Variants in TMPRSS13 observed in about 807,000 individuals in gnomAD.
TMPRSS13 encodes the protein transmembrane protease serine 13.
Under a neutral mutation model 68.4 loss-of-function variants are expected in TMPRSS13, and 50 were observed. That is an observed-to-expected ratio of 0.73 (90% CI 0.58 to 0.93). The LOEUF (loss-of-function observed/expected upper bound fraction) is 0.93. Among genes scored for constraint, TMPRSS13 ranks in the 40% least tolerant of loss-of-function variants. The probability of loss-of-function intolerance (pLI) is 0.00; values close to 1 mark genes in which losing one functional copy is unlikely to be tolerated. For synonymous variants in TMPRSS13, 267 were observed against 285.8 expected, an observed-to-expected ratio of 0.93 and a Z score of 0.66; for missense variants, 615 against 729.2, an observed-to-expected ratio of 0.84 and a Z score of 1.80.
rs138371740 is a variant in TMPRSS13, at chr11:117,921,043, C to T, written c.22-2205G>A. Among the ~76,000 whole-genome samples the T allele has an allele frequency of 1.5e-4, 23 of 152,276 alleles. No homozygotes were observed. In the East Asian group the frequency reaches 1.7e-3, roughly 11 times the overall value. ...AAGATAACAGCCCACGAGCACTTTA[C>T]GGGACCCCATTCCAACCTCTTGACA... On this transcript the variant is annotated intron_variant, in intron 1 of 12. Transcript: ENST00000524993.
chr11:117,915,093 T>C lies in TMPRSS13; in HGVS notation c.557-579A>G, dbSNP rs1370117107. Among the ~76,000 whole-genome samples, 3 of 152,248 alleles carry C rather than the reference T, an allele frequency of 2.0e-5. No homozygotes were observed. Among genetic ancestry groups the C allele is most frequent in the African/African-American group, 7.2e-5 (3 of 41,462 alleles). ...GTTCTTTCCCCATGACTTGTCTTTA[T>C]GCCTTTAAATGTCTTTTCAATCAAC... is the stretch of plus-strand genomic sequence containing the variant. On this transcript the variant is annotated intron_variant, in intron 3 of 12. Transcript: ENST00000524993. The surrounding 1 kb of genome is among the most constrained non-coding windows in gnomAD (Gnocchi z 4.9).
chr11:117,925,920 G>A (rs538589312), intron 1 of TMPRSS13, among the ~76,000 whole-genome samples: 11 of 152,380 alleles, frequency 7.2e-5, no homozygotes, highest in African/African-American at 2.4e-4. Context: ...AGGGGAAATC[G>A]AGGTGGCTGT....
chr11:117,910,025 G>A (rs2057506311), intron 7 of TMPRSS13, 57 bp from the exon 8 acceptor site: 3 of 1,588,942 alleles, frequency 1.9e-6, no homozygotes, highest in East Asian at 2.3e-5. Flanking sequence ...TTCTTTCCGA[G>A]CTCCTGATCA....
rs777585154 is a variant in TMPRSS13, at chr11:117,929,332, A to C, written c.-25T>G. The C allele has an allele frequency of 1.4e-5, 23 of 1,603,420 alleles. No individual in the cohort carries two copies. The African/African-American group carries it at 1.6e-4, about 11-fold the overall frequency. On this transcript the variant is annotated 5_prime_UTR_variant, in exon 1 of 13. Transcript: ENST00000524993. The stretch of plus-strand genomic sequence containing the variant: ...TGGTCTCTGAGGGGAAGAGTCCTCC[A>C]GGCTTAGCTGATGTCGAGGAGAAGA...
chr11:117,918,875 C>T lies in TMPRSS13; in HGVS notation c.22-37G>A, dbSNP rs561971867. On this transcript the variant is annotated intron_variant, in intron 1 of 12. Coordinates refer to ENST00000524993, the MANE Select transcript of TMPRSS13 (RefSeq NM_001077263.3). ...TCGAAGAGTATCCCACAGGCTGCTC[C>T]CCTGCCAACCCACCCCAGCTGTCAG... The T allele has an allele frequency of 4.4e-6, 7 of 1,607,040 alleles. No individual in the cohort carries two copies. The African/African-American group carries it at 6.7e-5, about 15-fold the overall frequency.
At chr11:117,913,708 C>A in intron 5 of TMPRSS13, 69 bp downstream of exon 5, 1 of 1,572,034 alleles carries the variant, frequency 6.4e-7, no homozygotes. Context: ...CTGCAACATG[C>A]TTGAGACACC....
rs1047959418 is a variant in TMPRSS13 at position 117,911,706 on chromosome 11, G to C, written c.902+62C>G. 2.8e-6 allele frequency: 4 copies of C among 1,406,998 alleles called. No homozygotes were observed. The African/African-American group carries it at 5.6e-5, about 20-fold the overall frequency. 87.2% of individuals were successfully genotyped at this position (1,406,998 alleles called of 1,614,324 possible). On this transcript the variant is annotated intron_variant, in intron 6 of 12. Coordinates refer to ENST00000524993, the MANE Select transcript of TMPRSS13 (RefSeq NM_001077263.3). ...AGTGAAGGGGGCTCCCTGACTCAAAGACCCTCTCCTACCCACTCCTTCCCC... is the reference window on the plus strand; with the variant it reads ...AGTGAAGGGGGCTCCCTGACTCAAACACCCTCTCCTACCCACTCCTTCCCC...
Position 117,914,513 on chromosome 11 carries a change from G to C in TMPRSS13, c.558C>G (p.Phe186Leu), listed in dbSNP as rs888638756. Reference protein sequence around the residue: ...IALVVSLIILFQFWQGHTGIR... With the variant: ...IALVVSLIILLQFWQGHTGIR... ...TCCCTGTGTGGCCCTGCCAGAACTG[G>C]ACTAGAGAAAAAGAAGCAGACAGCT... is the stretch of plus-strand genomic sequence containing the variant. The change falls in exon 4 of 13, where the codon TTC (phenylalanine) becomes TTG (leucine). Residue 186 changes from phenylalanine to leucine, a missense_variant and splice_region_variant. By Grantham distance (22) the Phe-to-Leu change is conservative (BLOSUM62 0). Coordinates refer to ENST00000524993, the MANE Select transcript of TMPRSS13 (RefSeq NM_001077263.3). This position sits in a 1 kb window ranked among gnomAD's most constrained non-coding sequence, Gnocchi z 4.2. 1 of 1,613,776 alleles carries C rather than the reference G, an allele frequency of 6.2e-7. No individual in the cohort carries two copies. The highest frequency in any genetic ancestry group is 1.7e-5 in the Admixed American group (1 of 60,012).
rs1487520150 is a variant in TMPRSS13, at chr11:117,908,611, C to T, written c.1282+1G>A. On this transcript the variant is annotated splice_donor_variant, in intron 9 of 12. Coordinates refer to ENST00000524993, the MANE Select transcript of TMPRSS13 (RefSeq NM_001077263.3). LOFTEE classifies it high-confidence loss of function. ...AGAGCGGGGAGTGCAGATTCCCTCACCGGACAGGGTCAGGGGCTTGGACAG... is the reference window on the plus strand; with the variant it reads ...AGAGCGGGGAGTGCAGATTCCCTCATCGGACAGGGTCAGGGGCTTGGACAG... 6.4e-7 allele frequency: 1 copy of T among 1,558,778 alleles called. No homozygotes were observed. The highest frequency in any genetic ancestry group is 8.7e-7 in the Non-Finnish European group (1 of 1,151,626).
intron 3 of TMPRSS13, among the ~76,000 whole-genome samples, chr11:117,916,221 C>T (rs957004316): frequency 3.3e-5 from 5 of 152,230 alleles, no homozygotes; most frequent in South Asian, 2.1e-4. Context: ...ACCAAACAGA[C>T]GGCCCCAGGT....
In TMPRSS13 at chr11:117,914,263, A is replaced by T; in HGVS notation, c.679+129T>A. On this transcript the variant is annotated intron_variant, in intron 4 of 12. Transcript: ENST00000524993. The surrounding 1 kb of genome is among the most constrained non-coding windows in gnomAD (Gnocchi z 4.2). ...CACACATACATGCATACACACAAAC[A>T]TGCACATACACACACATGCACGCAC... 1 of 1,276,492 alleles carries T rather than the reference A, an allele frequency of 7.8e-7. No individual in the cohort carries two copies. Among genetic ancestry groups the T allele is most frequent in the Middle Eastern group, 2.6e-4 (1 of 3,868 alleles). The allele number at this position is 1,276,492 out of a possible 1,614,324, so 79.1% of individuals were successfully genotyped here.
chr11:117,925,595 T>C (rs2057697531), intron 1 of TMPRSS13, among the ~76,000 whole-genome samples: 1 of 151,960 alleles, frequency 6.6e-6, no homozygotes, highest in South Asian at 2.1e-4. Context: ...CTCTAAAGTT[T>C]TGGGTATTGC....
rs376211887 is a variant in TMPRSS13, at chr11:117,917,263, G to A, written c.463C>T (p.Pro155Ser). 9.3e-6 allele frequency: 15 copies of A among 1,612,102 alleles called. No homozygotes were observed. Among genetic ancestry groups the A allele is most frequent in the Non-Finnish European group, 1.3e-5 (15 of 1,179,896 alleles). ...ATRESPGTSLPKFTWREGQKQ... is the reference protein window; with the variant it reads ...ATRESPGTSLSKFTWREGQKQ... Reference sequence around the variant, plus strand: ...TGGCCCTCCCGCCAGGTGAACTTGGGCAGGCTCGTACCTAGGAGCAGGGCG... The same window carrying A: ...TGGCCCTCCCGCCAGGTGAACTTGGACAGGCTCGTACCTAGGAGCAGGGCG... Residue 155 changes from proline (P) to serine (S), a missense_variant, in exon 3 of 13, where the codon CCC becomes TCC. By Grantham distance (74) the Pro-to-Ser change is moderately conservative. Coordinates refer to ENST00000524993, the MANE Select transcript of TMPRSS13 (RefSeq NM_001077263.3).
intron 10 of TMPRSS13, among the ~76,000 whole-genome samples, 193 bp downstream of exon 10, chr11:117,905,445 A>G (rs1026545209): frequency 4.6e-5 from 7 of 152,126 alleles, no homozygotes; most frequent in Non-Finnish European, 8.8e-5. Context: ...GGGCATTGTC[A>G]CAGTGACTGC....
At chr11:117,905,405 A>G (rs2134876904) in intron 10 of TMPRSS13, among the ~76,000 whole-genome samples, 1 of 152,154 alleles carries the variant, frequency 6.6e-6, no homozygotes, top group East Asian at 1.9e-4. Flanking sequence ...TAGTTCAACC[A>G]CAGCAGTTTT....
intron 7 of TMPRSS13, 137 bp downstream of exon 7, chr11:117,910,570 C>A (rs2134889050): frequency 1.2e-6 from 1 of 816,344 alleles, no homozygotes; most frequent in South Asian, 2.0e-5. Context: ...GACTCCAGCC[C>A]TGAAGCAGGC....
chr11:117,917,067 G>T, intron 3 of TMPRSS13, 103 bp downstream of exon 3: 1 of 933,676 alleles, frequency 1.1e-6, no homozygotes, highest in Non-Finnish European at 1.6e-6. Flanking sequence ...AGCCGGGTGA[G>T]TGGGTGCTCC....
Position 117,910,750 on chromosome 11 carries a change from C to T in TMPRSS13, c.903G>A (p.Arg301=), listed in dbSNP as rs770489065. 2 of 1,606,994 alleles carry T rather than the reference C, an allele frequency of 1.2e-6. No individual in the cohort carries two copies. The highest frequency in any genetic ancestry group is 1.7e-6 in the Non-Finnish European group (2 of 1,176,022). ...YNSTIQESLH[R]SECPSQRYIS... The stretch of plus-strand genomic sequence containing the variant: ...TATACCGCTGGGAAGGGCATTCAGA[C>T]CTGCAGGGGGAGACACAGAAAGTGG... The change falls in exon 7 of 13, where the codon AGG becomes AGA. Residue 301 remains arginine, a splice_region_variant and synonymous_variant. Coordinates refer to ENST00000524993, the MANE Select transcript of TMPRSS13 (RefSeq NM_001077263.3).
In TMPRSS13 at chr11:117,922,378, G is replaced by A. The variant is rs962651715; in HGVS notation, c.22-3540C>T. Among the ~76,000 whole-genome samples, 2 of 152,166 alleles carry A rather than the reference G, an allele frequency of 1.3e-5. No individual in the cohort carries two copies. Among genetic ancestry groups the A allele is most frequent in the Non-Finnish European group, 2.9e-5 (2 of 68,032 alleles). On this transcript the variant is annotated intron_variant, in intron 1 of 12. Transcript: ENST00000524993. The surrounding 1 kb of genome is among the most constrained non-coding windows in gnomAD (Gnocchi z 4.2). Reference sequence around the variant, plus strand: ...GCCTCCTGAGTACCTGGGACTACAGGCACGCGCCACTGTGCCCAGCTAATT... The same window carrying A: ...GCCTCCTGAGTACCTGGGACTACAGACACGCGCCACTGTGCCCAGCTAATT...
Sources: allele counts gnomAD v4.1 joint callset (sites outside exome capture counted in the v4.1 genomes callset), GRCh38; gene constraint gnomAD v4.1.1; non-coding constraint Gnocchi (gnomAD v3.1); transcripts MANE v1.5; gene names NCBI Gene and HGNC (gene_info 2026-07-23, HGNC 2026-07-21).